The following GRID2 variants were observed in gnomAD, a reference collection of about 807,000 sequenced individuals.
GRID2 encodes the protein glutamate receptor ionotropic, delta-2.
Under a neutral mutation model 114.8 loss-of-function variants are expected in GRID2, and 33 were observed. The observed-to-expected ratio is 0.29, with a 90% CI of 0.22 to 0.38. The LOEUF is 0.38. Among genes scored for constraint, GRID2 ranks in the 10% least tolerant of loss-of-function variants. The probability of loss-of-function intolerance (pLI) is 1.00; values close to 1 mark genes in which losing one functional copy is unlikely to be tolerated. For synonymous variants in GRID2, 505 were observed against 449.9 expected, an observed-to-expected ratio of 1.12 and a Z score of -1.55; for missense variants, 1,184 against 1,257.7, an observed-to-expected ratio of 0.94 and a Z score of 0.89.
chr4:92,955,672 T>C (rs527986512), intron 2 of GRID2, among the ~76,000 whole-genome samples: 23 of 152,312 alleles, frequency 1.5e-4, no homozygotes, highest in African/African-American at 5.3e-4. Flanking sequence ...TTTGGTGTTT[T>C]AGACATGAAG....
At chr4:93,148,025 C>T (rs1244648361) in intron 4 of GRID2, among the ~76,000 whole-genome samples, 1 of 152,154 alleles carries the variant, frequency 6.6e-6, no homozygotes, top group Non-Finnish European at 1.5e-5. Context: ...ATAGCAAGTG[C>T]TTCACAGGTG....
intron 11 of GRID2, among the ~76,000 whole-genome samples, chr4:93,465,744 A>G (rs1218620540): frequency 6.6e-6 from 1 of 152,242 alleles, no homozygotes; most frequent in Admixed American, 6.5e-5. Context: ...AGTTTAAAAA[A>G]GCATAGTGTA....
At chr4:92,329,726 T>C (rs1726779940) in intron 1 of GRID2, among the ~76,000 whole-genome samples, 1 of 151,828 alleles carries the variant, frequency 6.6e-6, no homozygotes, top group Non-Finnish European at 1.5e-5. Context: ...AGCTTACCTC[T>C]AAAATGGAAG....
At chr4:93,249,590 A>G (rs541031855) in intron 8 of GRID2, among the ~76,000 whole-genome samples, 12 of 152,192 alleles carry the variant, frequency 7.9e-5, no homozygotes, top group Admixed American at 3.9e-4. Context: ...GGTCCTTCAC[A>G]TCCCTTGTAA....
chr4:92,946,117 A>G (rs1751608945), intron 2 of GRID2, among the ~76,000 whole-genome samples: 1 of 152,150 alleles, frequency 6.6e-6, no homozygotes, highest in Non-Finnish European at 1.5e-5. Context: ...TTTCTAGTCC[A>G]TATTCTTCAA....
intron 4 of GRID2, chr4:93,112,386 G>A (rs1034307899): frequency 2.0e-5 from 3 of 152,120 alleles, no homozygotes; most frequent in African/African-American, 7.2e-5. Flanking sequence ...GGTGGGAGGT[G>A]AGTGGATCAT....
At chr4:92,927,584 C>G (rs1578498657) in intron 2 of GRID2, among the ~76,000 whole-genome samples, 1 of 151,754 alleles carries the variant, frequency 6.6e-6, no homozygotes, top group South Asian at 2.1e-4. Context: ...ACTTAGTTTA[C>G]TGGACAGTAA....
At position 93,207,459 on chromosome 4, in the gene GRID2, T is replaced by C; in HGVS notation, c.789+2T>C. On this transcript the variant is annotated splice_donor_variant, in intron 5 of 15. Transcript: ENST00000282020. LOFTEE classifies it high-confidence loss of function. ...TGTCACTGGATCATTATAAATGAGG[T>C]AAAGCCAACTAAACCTTATTGTTAA... 1.3e-6 allele frequency: 2 copies of C among 1,554,418 alleles called. No individual in the cohort carries two copies. The highest frequency in any genetic ancestry group is 1.8e-6 in the Non-Finnish European group (2 of 1,126,660).
chr4:92,855,952 GT>G (rs1744150377), intron 2 of GRID2, among the ~76,000 whole-genome samples: 2 of 152,050 alleles, frequency 1.3e-5, no homozygotes, highest in African/African-American at 4.8e-5. Context: ...GTCACGCGAT[GT>G]TTCAGGCTTT....
At chr4:93,355,438 G>A (rs905246388) in intron 8 of GRID2, among the ~76,000 whole-genome samples, 24 of 152,038 alleles carry the variant, frequency 1.6e-4, no homozygotes, top group African/African-American at 4.3e-4. Context: ...GTCTGTTTAC[G>A]TGGATTGGGT....
intron 8 of GRID2, among the ~76,000 whole-genome samples, chr4:93,343,663 G>A (rs541113594): frequency 6.9e-4 from 91 of 132,716 alleles, no homozygotes; most frequent in African/African-American, 2.1e-3. Context: ...CCTTTGTTCT[G>A]ATTATTCATC....
intron 12 of GRID2, among the ~76,000 whole-genome samples, chr4:93,503,116 T>A (rs753347625): frequency 9.2e-5 from 14 of 152,220 alleles, no homozygotes; most frequent in Middle Eastern, 3.4e-3. Flanking sequence ...TAGAGGATAA[T>A]TTCTCTGAAT....
intron 2 of GRID2, among the ~76,000 whole-genome samples, chr4:92,799,975 G>C (rs1418976487): frequency 6.6e-6 from 1 of 151,850 alleles, no homozygotes. Context: ...TCATAGTAAG[G>C]ACTCAGTAAA....
At chr4:93,002,009 CTAAG>C (rs1259877816) in intron 2 of GRID2, among the ~76,000 whole-genome samples, 5 of 150,810 alleles carry the variant, frequency 3.3e-5, no homozygotes, top group Non-Finnish European at 7.4e-5. Context: ...GTGCAGGTAT[CTAAG>C]TAATTCTGTA....
At chr4:93,747,335 A>T (rs1419215926) in intron 14 of GRID2, among the ~76,000 whole-genome samples, 2 of 152,102 alleles carry the variant, frequency 1.3e-5, no homozygotes, top group Admixed American at 6.6e-5. Context: ...TGAACCAAAT[A>T]CCTAATAGAC....
chr4:93,087,906 T>C (rs1460036815), intron 3 of GRID2, among the ~76,000 whole-genome samples: 1 of 152,136 alleles, frequency 6.6e-6, no homozygotes, highest in Non-Finnish European at 1.5e-5. Flanking sequence ...CATTCATCAG[T>C]GTCATCATTT....
intron 13 of GRID2, among the ~76,000 whole-genome samples, chr4:93,578,585 G>GTTTTTTGTTTT (rs1736642083): frequency 4.3e-5 from 5 of 115,258 alleles, no homozygotes; most frequent in African/African-American, 1.5e-4. Flanking sequence ...CTTGTTTTTT[G>GTTTTTTGTTTT]TATTTTTTTT....
chr4:92,581,465 G>T (rs1360757522), intron 1 of GRID2, among the ~76,000 whole-genome samples: 3 of 152,048 alleles, frequency 2.0e-5, no homozygotes, highest in Non-Finnish European at 4.4e-5. Flanking sequence ...ACACACAGCA[G>T]TCAGACTTTT....
intron 2 of GRID2, among the ~76,000 whole-genome samples, chr4:92,921,306 A>G (rs2149505849): frequency 6.6e-6 from 1 of 152,076 alleles, no homozygotes; most frequent in Non-Finnish European, 1.5e-5. Context: ...TTCCTCCTTT[A>G]GTGCAGAGTA....
Sources: allele counts gnomAD v4.1 joint callset (sites outside exome capture counted in the v4.1 genomes callset), GRCh38; gene constraint gnomAD v4.1.1; transcripts MANE v1.5; gene names NCBI Gene and HGNC (gene_info 2026-07-23, HGNC 2026-07-21).